UHRF1: variants seen among roughly 807,000 people sequenced by gnomAD.
The protein encoded by UHRF1 is E3 ubiquitin-protein ligase UHRF1.
In UHRF1, 9 loss-of-function variants were observed where a neutral mutation model predicts 96.5. The observed-to-expected ratio is 0.09, with a 90% CI of 0.06 to 0.16. The LOEUF is 0.16. Ranked by LOEUF, UHRF1 falls within the 10% of genes least tolerant of loss-of-function variation. The probability of loss-of-function intolerance (pLI) is 1.00; values close to 1 mark genes in which losing one functional copy is unlikely to be tolerated. For synonymous variants in UHRF1, 455 were observed against 469.9 expected (o/e 0.97, Z 0.41); for missense variants, 626 against 1,131.1 (o/e 0.55, Z 6.40).
chr19:4,939,660 C>T (rs2033323805), intron 5 of UHRF1, among the ~76,000 whole-genome samples: 1 of 152,030 alleles, frequency 6.6e-6, no homozygotes. Context: ...CCACACTGTC[C>T]CATAGCCAAG....
At chr19:4,905,227 C>T (rs1237050102), upstream of UHRF1, among the ~76,000 whole-genome samples, 3 of 149,372 alleles carry the variant, frequency 2.0e-5, no homozygotes, top group African/African-American at 7.5e-5. Flanking sequence ...CGCCATTCTC[C>T]TGCCTCAGCC....
At chr19:4,923,278 C>T (rs937761323) in intron 2 of UHRF1, among the ~76,000 whole-genome samples, 6 of 152,174 alleles carry the variant, frequency 3.9e-5, no homozygotes, top group African/African-American at 1.4e-4. Context: ...CTGGCTCCGT[C>T]TGCTCCTCCT....
chr19:4,909,717 T>G (rs918226387), intron 1 of UHRF1, 62 bp downstream of exon 1: 1 of 493,708 alleles, frequency 2.0e-6, no homozygotes, highest in African/African-American at 2.1e-5. Flanking sequence ...TCGGGAACTT[T>G]GCAAAACTTT....
At chr19:4,913,249 G>C (rs1468969048) in intron 2 of UHRF1, among the ~76,000 whole-genome samples, 2 of 115,124 alleles carry the variant, frequency 1.7e-5, no homozygotes, top group East Asian at 4.2e-4. Flanking sequence ...CATGTACATT[G>C]TGCTTTTTTT....
At position 4,941,884 on chromosome 19, in the gene UHRF1, C is replaced by T; in HGVS notation, c.1026C>T (p.Ile342=). The change falls in exon 7 of 17, where the codon ATC becomes ATT. Residue 342 remains isoleucine, a synonymous_variant. Transcript: ENST00000650932. ...MCDECDMAFH[I]YCLDPPLSSV... ...ATGAGTGCGACATGGCCTTCCACATCTACTGCCTGGACCCGCCCCTCAGCA... is the reference window on the plus strand; with the variant it reads ...ATGAGTGCGACATGGCCTTCCACATTTACTGCCTGGACCCGCCCCTCAGCA... 2 of 1,547,932 alleles carry T rather than the reference C, an allele frequency of 1.3e-6. No homozygotes were observed. Among genetic ancestry groups the T allele is most frequent in the Non-Finnish European group, 1.7e-6 (2 of 1,145,720 alleles).
chr19:4,937,658 C>T (rs1231071534), intron 5 of UHRF1, among the ~76,000 whole-genome samples: 1 of 152,160 alleles, frequency 6.6e-6, no homozygotes, highest in Non-Finnish European at 1.5e-5. Context: ...GCCACTTCGC[C>T]CGGCCAGTTT....
rs370137822 is a variant in UHRF1, at chr19:4,932,924, G to T, written c.753G>T (p.Thr251=). 13 of 1,613,324 alleles carry T rather than the reference G, an allele frequency of 8.1e-6. No homozygotes were observed. The Admixed American group carries it at 2.2e-4, about 27-fold the overall frequency. ...TCTCCAGGAAGCGCGAGACCAGGAC[G>T]GCGCGGGAACTCTACGCCAACGTGG... ...AEISRKRETR[T]ARELYANVVL... Residue 251 remains threonine (T), a synonymous_variant, in exon 5 of 17, where the codon ACG becomes ACT. Transcript: ENST00000650932.
chr19:4,939,833 G>A (rs2033331661), intron 5 of UHRF1, among the ~76,000 whole-genome samples: 1 of 152,138 alleles, frequency 6.6e-6, no homozygotes, highest in Non-Finnish European at 1.5e-5. Context: ...GACCATCCTG[G>A]CAAACACGGT....
intron 11 of UHRF1, among the ~76,000 whole-genome samples, chr19:4,950,151 G>A (rs753479115): frequency 4.9e-4 from 75 of 151,552 alleles, no homozygotes; most frequent in Non-Finnish European, 8.4e-4. Context: ...GATTAGAGGC[G>A]TGAGCCACGG....
At chr19:4,936,176 C>T (rs2033210541) in intron 5 of UHRF1, among the ~76,000 whole-genome samples, 1 of 152,124 alleles carries the variant, frequency 6.6e-6, no homozygotes, top group Admixed American at 6.6e-5. Flanking sequence ...CCTTGCCAGC[C>T]CCATGGGAGC....
chr19:4,954,981 A>G lies in UHRF1; in HGVS notation c.2130+159A>G, dbSNP rs555711913. Among the ~76,000 whole-genome samples, 2 of 152,094 alleles carry G rather than the reference A, an allele frequency of 1.3e-5. No homozygotes were observed. Among genetic ancestry groups the G allele is most frequent in the South Asian group, 4.1e-4 (2 of 4,822 alleles). The stretch of plus-strand genomic sequence containing the variant: ...CATCACCACCATCACCACCTCCAGA[A>G]CTTTATCCTCTCCCCAGACTGAAAC... On this transcript the variant is annotated intron_variant, in intron 15 of 16. Transcript: ENST00000650932. This position sits in a 1 kb window ranked among gnomAD's most constrained non-coding sequence, Gnocchi z 5.9.
chr19:4,929,795 CTTTTTTAT>C (rs1272915119), intron 3 of UHRF1, among the ~76,000 whole-genome samples: 1 of 151,998 alleles, frequency 6.6e-6, no homozygotes, highest in Non-Finnish European at 1.5e-5. Context: ...GGGTTTCCAG[CTTTTTTAT>C]TTTTTTATTT....
In UHRF1 at chr19:4,914,583, C is replaced by T. The variant is rs75725020; in HGVS notation, c.153+3545C>T. On this transcript the variant is annotated intron_variant, in intron 2 of 16. Transcript: ENST00000650932. ...ATGGGCGGGAACGCAGGGAGCTGAT[C>T]GAGGGCAGTGACTTTGGGCAGACGG... 5.0e-3 allele frequency among the ~76,000 whole-genome samples: 762 copies of T among 151,428 alleles called. 5 individuals are homozygous for T. Among genetic ancestry groups the T allele is most frequent in the African/African-American group, 0.018 (724 of 41,276 alleles).
chr19:4,916,685 G>A (rs1229027475), intron 2 of UHRF1, among the ~76,000 whole-genome samples: 1 of 152,202 alleles, frequency 6.6e-6, no homozygotes, highest in African/African-American at 2.4e-5. Flanking sequence ...CCGTGTCTAG[G>A]ATCCTCCTGC....
At chr19:4,921,497 G>A (rs963528927) in intron 2 of UHRF1, among the ~76,000 whole-genome samples, 1 of 152,096 alleles carries the variant, frequency 6.6e-6, no homozygotes, top group Non-Finnish European at 1.5e-5. Flanking sequence ...GCTGGGTCCT[G>A]TAATCCCAGC....
At chr19:4,929,551 C>T (rs2032984548) in intron 3 of UHRF1, 75 bp downstream of exon 3, 1 of 1,542,888 alleles carries the variant, frequency 6.5e-7, no homozygotes, top group South Asian at 1.3e-5. Context: ...ACCCAGGGCT[C>T]ACAGGAGGGG....
chr19:4,916,561 C>T (rs114054451), intron 2 of UHRF1, among the ~76,000 whole-genome samples: 3,288 of 152,226 alleles, frequency 0.022, 45 homozygotes, highest in Middle Eastern at 0.079. Flanking sequence ...GTGACCCGGC[C>T]GGGTCGAAGG....
intron 2 of UHRF1, among the ~76,000 whole-genome samples, chr19:4,924,225 C>T (rs1377716743): frequency 2.0e-5 from 3 of 152,200 alleles, no homozygotes; most frequent in African/African-American, 2.4e-5. Context: ...TCTCGGCTCA[C>T]GGCAAGCTCC....
In UHRF1 at chr19:4,954,267, C is replaced by G; in HGVS notation, c.1819-83C>G. On this transcript the variant is annotated intron_variant, in intron 13 of 16. Transcript: ENST00000650932. This position sits in a 1 kb window ranked among gnomAD's most constrained non-coding sequence, Gnocchi z 5.9. ...GTCAGGTGTGTCTGGAAACCCAGAC[C>G]TGGCAAGGAGGCTGGAAGAGCGGGC... The G allele has an allele frequency of 6.5e-7, 1 of 1,549,650 alleles. No individual in the cohort carries two copies. Among genetic ancestry groups the G allele is most frequent in the Non-Finnish European group, 8.7e-7 (1 of 1,145,274 alleles).
Sources: gnomAD v4.1 joint callset for allele counts (sites outside exome capture counted in the v4.1 genomes callset) on GRCh38, gnomAD v4.1.1 for gene constraint, Gnocchi (gnomAD v3.1) non-coding constraint, MANE v1.5 for transcripts, NCBI Gene and HGNC (gene_info 2026-07-23, HGNC 2026-07-21) for gene names.